ZC3HAV1: variants seen among roughly 807,000 people sequenced by gnomAD.
ZC3HAV1 encodes the protein zinc finger CCCH-type antiviral protein 1.
A neutral mutation model predicts 86.6 loss-of-function variants in ZC3HAV1; 41 were observed. The ratio of observed to expected loss-of-function variants is 0.47; its 90% CI spans 0.37 to 0.61. The LOEUF is 0.61. Ranked by LOEUF, ZC3HAV1 falls within the 20% of genes least tolerant of loss-of-function variation. The probability of loss-of-function intolerance (pLI) is 0.00; values close to 1 mark genes in which losing one functional copy is unlikely to be tolerated. For synonymous variants in ZC3HAV1, 421 were observed against 432.1 expected (o/e 0.97, Z 0.32); for missense variants, 964 against 1,141.1 (o/e 0.84, Z 2.24).
At chr7:139,049,755 G>A (rs938220847) in intron 12 of ZC3HAV1, 9 of 152,790 alleles carry the variant, frequency 5.9e-5, no homozygotes, top group African/African-American at 1.9e-4. Flanking sequence ...AATTCTTTTG[G>A]GGTCACAAAC....
rs761472403 is a variant in ZC3HAV1, at chr7:139,058,452, CCCA to C, written c.2096+2581_2096+2583del. On this transcript the variant is annotated intron_variant, in intron 9 of 12. Coordinates refer to ENST00000242351, the MANE Select transcript of ZC3HAV1 (RefSeq NM_020119.4). ...AACCTAACCCCCAACCCCCCCCCCCCCCACAAAAAAACACCAAAATATTTCAAG... is the reference window on the plus strand; with the variant it reads ...AACCTAACCCCCAACCCCCCCCCCCCCAAAAAAACACCAAAATATTTCAAG... Among the ~76,000 whole-genome samples, 422 of 133,094 alleles carry C rather than the reference CCCA, an allele frequency of 3.2e-3. 2 individuals are homozygous for C. The highest frequency in any genetic ancestry group is 0.013 in the African/African-American group (379 of 29,412). 87.3% of individuals were successfully genotyped at this position (133,094 alleles called of 152,430 possible). A position where few individuals can be genotyped will look rare whatever the true frequency, so the allele number is the denominator to read the frequency against.
chr7:139,070,470 C>A (rs1306766377), intron 7 of ZC3HAV1, among the ~76,000 whole-genome samples: 1 of 151,520 alleles, frequency 6.6e-6, no homozygotes, highest in African/African-American at 2.4e-5. Flanking sequence ...CGAGACCATC[C>A]TGGCTAACAT....
chr7:139,056,084 T>C (rs1415699311), intron 9 of ZC3HAV1, among the ~76,000 whole-genome samples: 1 of 152,170 alleles, frequency 6.6e-6, no homozygotes. Context: ...AACCTAAATC[T>C]AATCAGTTCC....
intron 1 of ZC3HAV1, among the ~76,000 whole-genome samples, chr7:139,091,285 G>A (rs537707782): frequency 6.6e-6 from 1 of 152,182 alleles, no homozygotes; most frequent in Non-Finnish European, 1.5e-5. Flanking sequence ...GGATCACGAG[G>A]TCAGGAGATC....
At chr7:139,053,631 C>T (rs1463358450) in intron 11 of ZC3HAV1, 50 bp from the exon 12 acceptor site, 1 of 1,514,888 alleles carries the variant, frequency 6.6e-7, no homozygotes, top group Non-Finnish European at 8.8e-7. Flanking sequence ...CTTCCCACTC[C>T]AGTTGATAAC....
At chr7:139,099,862 G>A (rs540844064) in intron 1 of ZC3HAV1, among the ~76,000 whole-genome samples, 11 of 151,930 alleles carry the variant, frequency 7.2e-5, no homozygotes, top group Non-Finnish European at 1.3e-4. Context: ...AGGAGGCGGA[G>A]GTTGCAGTGA....
Position 139,079,470 on chromosome 7 carries a change from C to T in ZC3HAV1, c.1471G>A (p.Asp491Asn), listed in dbSNP as rs1198325818. ...CAAAGTGTCTTCCCTTTGTATTTACCGTTAACAAGTGCTACTCTTGGGTCA... is the reference window on the plus strand; with the variant it reads ...CAAAGTGTCTTCCCTTTGTATTTACTGTTAACAAGTGCTACTCTTGGGTCA... ...DADPRVALVN[D>N]SLSDVTSTTS... Residue 491 changes from aspartate (D) to asparagine (N), a missense_variant and splice_region_variant, in exon 4 of 13, where the codon GAT (aspartate) becomes AAT (asparagine). Transcript: ENST00000242351. The T allele has an allele frequency of 2.5e-6, 4 of 1,613,868 alleles. No homozygotes were observed. The highest frequency in any genetic ancestry group is 2.7e-5 in the African/African-American group (2 of 74,892).
At chr7:139,088,567 T>G (rs181344114) in intron 2 of ZC3HAV1, among the ~76,000 whole-genome samples, 1 of 152,344 alleles carries the variant, frequency 6.6e-6, no homozygotes, top group Non-Finnish European at 1.5e-5. Flanking sequence ...ATAACAGAGC[T>G]GACCTACTGA....
Position 139,044,300 on chromosome 7 carries a change from A to G in ZC3HAV1, c.*3294T>C, listed in dbSNP as rs1208126262. On this transcript the variant is annotated 3_prime_UTR_variant, in exon 13 of 13. Transcript: ENST00000242351. ...CACCCGTCTAGTTTCATTTTCCTGT[A>G]CTTGTTTACAGGAAGTAGCCTCTAA... The G allele has an allele frequency of 1.3e-5, 2 of 152,046 alleles. No homozygotes were observed. The highest frequency in any genetic ancestry group is 1.5e-5 in the Non-Finnish European group (1 of 68,008). The allele number at this position is 152,046 out of a possible 1,614,324, so 9.4% of individuals were successfully genotyped here. A position where few individuals can be genotyped will look rare whatever the true frequency, so the allele number is the denominator to read the frequency against.
intron 3 of ZC3HAV1, 127 bp from the exon 4 acceptor site, chr7:139,080,370 G>A (rs1430925080): frequency 8.6e-7 from 1 of 1,168,584 alleles, no homozygotes. Context: ...AAATTACTTG[G>A]CGTAATCTGA....
intron 12 of ZC3HAV1, among the ~76,000 whole-genome samples, chr7:139,051,550 G>A (rs976789548): frequency 6.6e-6 from 1 of 151,860 alleles, no homozygotes; most frequent in Admixed American, 6.6e-5. Context: ...GGGACTACAG[G>A]CATGTGCCAT....
intron 1 of ZC3HAV1, among the ~76,000 whole-genome samples, chr7:139,091,731 C>G (rs532045805): frequency 1.3e-4 from 20 of 152,234 alleles, no homozygotes; most frequent in African/African-American, 4.6e-4. Flanking sequence ...ATCCTCCCAC[C>G]TAGGCCTAGG....
chr7:139,105,487 G>C (rs2130742867), intron 1 of ZC3HAV1, among the ~76,000 whole-genome samples: 1 of 152,256 alleles, frequency 6.6e-6, no homozygotes, highest in East Asian at 1.9e-4. Context: ...CCATGTGTGG[G>C]CATATATTTC....
chr7:139,065,781 G>A (rs1816582976), intron 7 of ZC3HAV1, among the ~76,000 whole-genome samples: 1 of 152,240 alleles, frequency 6.6e-6, no homozygotes, highest in Admixed American at 6.5e-5. Context: ...GCATGCACCT[G>A]TAGTCCCAGC....
intron 12 of ZC3HAV1, among the ~76,000 whole-genome samples, chr7:139,048,864 T>C (rs1388400042): frequency 2.6e-5 from 4 of 152,158 alleles, no homozygotes; most frequent in Non-Finnish European, 5.9e-5. Context: ...TGTTCTACTA[T>C]ATTTAAAGTA....
chr7:139,062,354 T>C (rs1816466799), intron 8 of ZC3HAV1, among the ~76,000 whole-genome samples: 1 of 152,174 alleles, frequency 6.6e-6, no homozygotes, highest in East Asian at 1.9e-4. Flanking sequence ...TTACAGACCA[T>C]CTACCTGTTC....
At chr7:139,085,461 C>T (rs1007950076) in intron 2 of ZC3HAV1, among the ~76,000 whole-genome samples, 2 of 152,318 alleles carry the variant, frequency 1.3e-5, no homozygotes, top group East Asian at 1.9e-4. Flanking sequence ...AGTGTGAATA[C>T]GTAGTTTTTT....
intron 2 of ZC3HAV1, among the ~76,000 whole-genome samples, chr7:139,089,101 CAAAAAAAAAAAAAA>C (rs1195760878): frequency 4.8e-5 from 1 of 20,684 alleles, no homozygotes. Context: ...GACTCCATCT[CAAAAAAAAAAAAAA>C]AAAAAAAAAA....
chr7:139,086,664 G>C lies in ZC3HAV1; in HGVS notation c.445-2632C>G, dbSNP rs563306118. On this transcript the variant is annotated intron_variant, in intron 2 of 12. Transcript: ENST00000242351. ...CCCCACCCAAATCTCATCTTGAATT[G>C]TAGTTCCCATAATCCCCACGTGTCA... Among the ~76,000 whole-genome samples, 6 of 152,218 alleles carry C rather than the reference G, an allele frequency of 3.9e-5. No homozygotes were observed. The South Asian group carries it at 1.2e-3, about 32-fold the overall frequency.
Sources: gnomAD v4.1 joint callset for allele counts (sites outside exome capture counted in the v4.1 genomes callset) on GRCh38, gnomAD v4.1.1 for gene constraint, MANE v1.5 for transcripts, NCBI Gene and HGNC (gene_info 2026-07-23, HGNC 2026-07-21) for gene names.